Variants in ADGRL3 observed in about 807,000 individuals in gnomAD.
The protein encoded by ADGRL3 is calcium-independent alpha-latrotoxin receptor 3.
Under a neutral mutation model 153.5 loss-of-function variants are expected in ADGRL3, and 62 were observed. That is an observed-to-expected ratio of 0.40 (90% CI 0.33 to 0.50). The LOEUF (loss-of-function observed/expected upper bound fraction) is 0.50, where lower values mean the gene tolerates loss of function less well. Ranked by LOEUF, ADGRL3 falls within the 20% of genes least tolerant of loss-of-function variation. ADGRL3 has a pLI of 0.47. For missense variants in ADGRL3, 1,641 were observed against 1,859.4 expected, an observed-to-expected ratio of 0.88 and a Z score of 2.16; for synonymous variants, 710 against 672.5, an observed-to-expected ratio of 1.06 and a Z score of -0.86.
intron 21 of ADGRL3, among the ~76,000 whole-genome samples, chr4:62,014,948 G>A (rs1037062912): frequency 2.6e-5 from 4 of 151,972 alleles, no homozygotes; most frequent in African/African-American, 7.2e-5. Flanking sequence ...CCTATTTTTC[G>A]GCAGTGGTTT....
chr4:61,290,252 A>G (rs968794193), intron 1 of ADGRL3, among the ~76,000 whole-genome samples: 1 of 152,090 alleles, frequency 6.6e-6, no homozygotes, highest in Admixed American at 6.6e-5. Context: ...TATGAAATTT[A>G]TCTGAGATTA....
At chr4:61,887,207 AT>A (rs1016805785) in intron 9 of ADGRL3, among the ~76,000 whole-genome samples, 34 of 151,574 alleles carry the variant, frequency 2.2e-4, no homozygotes, top group East Asian at 5.8e-4. Flanking sequence ...TCTCTTATTA[AT>A]TTTTTTTAGA....
intron 2 of ADGRL3, among the ~76,000 whole-genome samples, chr4:61,436,607 A>C (rs974447035): frequency 6.6e-6 from 1 of 152,190 alleles, no homozygotes; most frequent in African/African-American, 2.4e-5. Flanking sequence ...AGAGGAAAGA[A>C]GTAAATACCA....
At chr4:61,229,207 A>G (rs572838933) in intron 1 of ADGRL3, among the ~76,000 whole-genome samples, 2 of 152,284 alleles carry the variant, frequency 1.3e-5, no homozygotes, top group South Asian at 4.1e-4. Context: ...CTGTTTGCCC[A>G]ATTGGCTCAA....
intron 3 of ADGRL3, among the ~76,000 whole-genome samples, chr4:61,512,288 T>C (rs2098467510): frequency 6.6e-6 from 1 of 152,172 alleles, no homozygotes; most frequent in South Asian, 2.1e-4. Flanking sequence ...AACAATCCAA[T>C]GAGTCATAGG....
At chr4:61,488,663 G>A (rs554351224) in intron 2 of ADGRL3, among the ~76,000 whole-genome samples, 4 of 151,826 alleles carry the variant, frequency 2.6e-5, no homozygotes, top group Admixed American at 2.6e-4. Flanking sequence ...CCTGACTTTT[G>A]TTTACTTCCA....
At chr4:61,408,886 T>C (rs571126435) in intron 2 of ADGRL3, among the ~76,000 whole-genome samples, 15 of 152,006 alleles carry the variant, frequency 9.9e-5, no homozygotes, top group Admixed American at 5.9e-4. Context: ...TTAAATCCTT[T>C]TTGTGGATTA....
intron 5 of ADGRL3, among the ~76,000 whole-genome samples, chr4:61,638,186 C>T (rs1313542046): frequency 6.6e-6 from 1 of 152,082 alleles, no homozygotes; most frequent in Non-Finnish European, 1.5e-5. Context: ...CATATTCCTA[C>T]AATAGAAGAT....
chr4:61,355,949 TAA>T (rs200958308), intron 1 of ADGRL3, among the ~76,000 whole-genome samples: 2,228 of 152,174 alleles, frequency 0.015, 50 homozygotes, highest in African/African-American at 0.048. Flanking sequence ...GTTATTAATT[TAA>T]GTTTTAGTAA....
At chr4:61,529,110 G>T (rs2098596290) in intron 4 of ADGRL3, among the ~76,000 whole-genome samples, 1 of 152,074 alleles carries the variant, frequency 6.6e-6, no homozygotes, top group East Asian at 1.9e-4. Context: ...AAAATTTATG[G>T]TCTTTTCATG....
intron 9 of ADGRL3, among the ~76,000 whole-genome samples, chr4:61,827,910 A>G (rs1554041144): frequency 6.7e-6 from 1 of 148,896 alleles, no homozygotes; most frequent in Non-Finnish European, 1.5e-5. Flanking sequence ...ATGAAAAAAA[A>G]TAATTTTAGG....
intron 4 of ADGRL3, among the ~76,000 whole-genome samples, chr4:61,585,320 TG>T (rs1318301471): frequency 6.6e-6 from 1 of 152,006 alleles, no homozygotes; most frequent in Non-Finnish European, 1.5e-5. Flanking sequence ...ATCATACAAA[TG>T]AGGTAAAAAC....
intron 6 of ADGRL3, among the ~76,000 whole-genome samples, chr4:61,714,144 A>G (rs1326071089): frequency 1.3e-5 from 2 of 151,862 alleles, no homozygotes; most frequent in African/African-American, 4.9e-5. Context: ...AGAAGCTAGT[A>G]ATGTTGTAGC....
chr4:62,047,187 T>A (rs1731586019), intron 25 of ADGRL3, among the ~76,000 whole-genome samples: 1 of 152,032 alleles, frequency 6.6e-6, no homozygotes, highest in Non-Finnish European at 1.5e-5. Flanking sequence ...TTTTCCTTTC[T>A]TGGTAAGTTA....
chr4:61,693,190 G>A (rs1016651224), intron 6 of ADGRL3, among the ~76,000 whole-genome samples: 1 of 152,010 alleles, frequency 6.6e-6, no homozygotes, highest in African/African-American at 2.4e-5. Flanking sequence ...ATAATAGAAA[G>A]TATAACCTTT....
chr4:61,534,776 T>A (rs1468181888), intron 4 of ADGRL3, among the ~76,000 whole-genome samples: 2 of 152,154 alleles, frequency 1.3e-5, no homozygotes, highest in Admixed American at 6.6e-5. Context: ...GCAACTGATT[T>A]TTGTGTATCA....
intron 1 of ADGRL3, among the ~76,000 whole-genome samples, chr4:61,242,486 A>G (rs2149338615): frequency 6.6e-6 from 1 of 152,112 alleles, no homozygotes; most frequent in East Asian, 1.9e-4. Flanking sequence ...ATTGATTTAT[A>G]TTTGAATCAA....
rs577019857 is a variant in ADGRL3 at position 61,964,756 on chromosome 4, T to C, written c.2806-14807T>C. Among the ~76,000 whole-genome samples the C allele has an allele frequency of 5.9e-5, 9 of 152,114 alleles. No homozygotes were observed. The South Asian group carries it at 1.9e-3, about 32-fold the overall frequency. On this transcript the variant is annotated intron_variant, in intron 17 of 26. Transcript: ENST00000683033. Reference sequence around the variant, plus strand: ...TGCTTAACTGAAGGAATTATTATTTTAAAAAAATTTAAATATAATGGTTCT... The same window carrying C: ...TGCTTAACTGAAGGAATTATTATTTCAAAAAAATTTAAATATAATGGTTCT...
intron 21 of ADGRL3, among the ~76,000 whole-genome samples, chr4:62,011,866 T>C (rs2099188107): frequency 6.6e-6 from 1 of 152,120 alleles, no homozygotes; most frequent in Non-Finnish European, 1.5e-5. Flanking sequence ...TGAAATCTCT[T>C]TGATAACATA....
Sources: gnomAD v4.1 joint callset for allele counts (sites outside exome capture counted in the v4.1 genomes callset) on GRCh38, gnomAD v4.1.1 for gene constraint, MANE v1.5 for transcripts, NCBI Gene and HGNC (gene_info 2026-07-23, HGNC 2026-07-21) for gene names.